Variants in RTTN observed in about 807,000 individuals in gnomAD.
RTTN encodes rotatin.
Under a neutral mutation model 269.2 loss-of-function variants are expected in RTTN, and 182 were observed. That is an observed-to-expected ratio of 0.68 (90% confidence interval 0.60 to 0.76). The LOEUF (loss-of-function observed/expected upper bound fraction) is 0.76. Ranked by LOEUF, RTTN falls within the 30% of genes least tolerant of loss-of-function variation. RTTN has a pLI of 0.00. For missense variants in RTTN, 2,545 were observed against 2,608.6 expected, an observed-to-expected ratio of 0.98 and a Z score of 0.53; for synonymous variants, 1,006 against 963.5, an observed-to-expected ratio of 1.04 and a Z score of -0.82.
intron 39 of RTTN, among the ~76,000 whole-genome samples, chr18:70,050,243 C>T (rs539846605): frequency 6.6e-6 from 1 of 152,000 alleles, no homozygotes; most frequent in Admixed American, 6.6e-5. Flanking sequence ...AACAAACAAC[C>T]GCATCAAAAA....
rs780242798 is a variant in RTTN, at chr18:70,015,471, C to CAAA, written c.6421+1935_6421+1936insTTT. ...ATCAGAGGCAGCCTTTCCTGGGAGA[C>CAAA]TTTTAAGCTGGCTGACTCTGCTAAG... On this transcript the variant is annotated intron_variant, in intron 46 of 48. Coordinates refer to ENST00000640769, the MANE Select transcript of RTTN (RefSeq NM_173630.4). 6.6e-5 allele frequency among the ~76,000 whole-genome samples: 10 copies of CAAA among 152,274 alleles called. 1 individual carries two copies. The highest frequency in any genetic ancestry group is 6.8e-3 in the Middle Eastern group (2 of 294).
intron 11 of RTTN, 137 bp downstream of exon 11, chr18:70,176,538 A>G (rs1181186476): frequency 1.6e-6 from 1 of 619,592 alleles, no homozygotes; most frequent in African/African-American, 1.9e-5. Flanking sequence ...CATTTCCCAT[A>G]TAACCTGTTA....
chr18:70,041,738 T>C (rs2057346017), intron 40 of RTTN, among the ~76,000 whole-genome samples: 2 of 152,268 alleles, frequency 1.3e-5, no homozygotes, highest in Admixed American at 6.5e-5. Context: ...GGAAAATTTG[T>C]GGGCAAGGGT....
intron 32 of RTTN, among the ~76,000 whole-genome samples, chr18:70,076,373 C>T (rs552653983): frequency 2.6e-5 from 4 of 151,856 alleles, no homozygotes; most frequent in African/African-American, 7.3e-5. Context: ...AGGAAAGATA[C>T]GTTCAAAACA....
chr18:70,123,040 A>C (rs1193045635), intron 25 of RTTN, among the ~76,000 whole-genome samples: 2 of 152,170 alleles, frequency 1.3e-5, no homozygotes, highest in African/African-American at 4.8e-5. Context: ...GGCATTTAAA[A>C]AAAAAATTAA....
At chr18:70,174,219 T>G (rs886620345) in intron 11 of RTTN, among the ~76,000 whole-genome samples, 2 of 151,792 alleles carry the variant, frequency 1.3e-5, no homozygotes, top group Non-Finnish European at 2.9e-5. Flanking sequence ...ATTTAAAAAT[T>G]TAAGTGTTCT....
At chr18:70,080,928 TCACACACA>T (rs138851066) in intron 32 of RTTN, among the ~76,000 whole-genome samples, 22,355 of 146,694 alleles carry the variant, frequency 0.15, 1,839 homozygotes, top group South Asian at 0.2. Flanking sequence ...GTGTGTGGTA[TCACACACA>T]CACACACACA....
At chr18:70,092,440 T>C (rs564840546) in intron 29 of RTTN, among the ~76,000 whole-genome samples, 3 of 152,224 alleles carry the variant, frequency 2.0e-5, no homozygotes, top group African/African-American at 7.2e-5. Flanking sequence ...TCCCATAATG[T>C]AGACAAAATG....
chr18:70,205,002 A>T, intron 2 of RTTN, 126 bp downstream of exon 2: 1 of 856,612 alleles, frequency 1.2e-6, no homozygotes. Context: ...AATTAAAATT[A>T]AACATCTCTG....
chr18:70,145,511 C>A (rs1432372029), intron 18 of RTTN, 101 bp downstream of exon 18: 20 of 817,750 alleles, frequency 2.4e-5, no homozygotes, highest in Non-Finnish European at 3.3e-5. Flanking sequence ...TACTTCTCTC[C>A]CTCCCCAGGA....
At chr18:70,030,744 T>G (rs969837813) in intron 41 of RTTN, 132 bp downstream of exon 41, 1 of 568,332 alleles carries the variant, frequency 1.8e-6, no homozygotes, top group African/African-American at 1.9e-5. Context: ...GGAAAAAAAA[T>G]TATTTTTAGT....
Position 70,005,612 on chromosome 18 carries a change from A to T in RTTN, c.6526-345T>A, listed in dbSNP as rs527588525. On this transcript the variant is annotated intron_variant, in intron 47 of 48. Coordinates refer to ENST00000640769, the MANE Select transcript of RTTN (RefSeq NM_173630.4). ...CCTCAAACCTCAGATTTCTGATCACATATACCAAATATTAGCAGTTGGTCA... is the reference window on the plus strand; with the variant it reads ...CCTCAAACCTCAGATTTCTGATCACTTATACCAAATATTAGCAGTTGGTCA... 6 of 186,206 alleles carry T rather than the reference A, an allele frequency of 3.2e-5. No homozygotes were observed. The South Asian group carries it at 1.1e-3, about 33-fold the overall frequency. 11.5% of individuals were successfully genotyped at this position (186,206 alleles called of 1,614,324 possible).
chr18:70,090,663 T>C (rs968892990), intron 30 of RTTN, among the ~76,000 whole-genome samples: 4 of 152,192 alleles, frequency 2.6e-5, no homozygotes, highest in Non-Finnish European at 4.4e-5. Flanking sequence ...AGGCTGCTAA[T>C]CCCACCACAG....
chr18:70,168,777 C>T (rs894116305), intron 12 of RTTN, 78 bp downstream of exon 12: 46 of 1,043,844 alleles, frequency 4.4e-5, no homozygotes, highest in Non-Finnish European at 5.9e-5. Context: ...ATTATATGTC[C>T]ATCAATTTGA....
chr18:70,059,827 C>T (rs776732338), intron 36 of RTTN, 23 bp downstream of exon 36: 3 of 1,517,238 alleles, frequency 2.0e-6, no homozygotes, highest in Non-Finnish European at 2.7e-6. Flanking sequence ...TAACATGCCT[C>T]TCTAGGAGTA....
At chr18:70,196,411 A>T in intron 7 of RTTN, 90 bp downstream of exon 7, 2 of 1,140,812 alleles carry the variant, frequency 1.8e-6, no homozygotes, top group Non-Finnish European at 2.5e-6. Flanking sequence ...AAATGCGTAC[A>T]CAATAAACCC....
intron 8 of RTTN, among the ~76,000 whole-genome samples, chr18:70,191,559 C>T (rs1038177055): frequency 1.3e-5 from 2 of 152,206 alleles, no homozygotes; most frequent in African/African-American, 4.8e-5. Context: ...AAAAACGGAA[C>T]ATCCCATTGT....
intron 28 of RTTN, among the ~76,000 whole-genome samples, chr18:70,103,087 C>T (rs535261767): frequency 1.1e-4 from 16 of 149,268 alleles, no homozygotes; most frequent in African/African-American, 3.0e-4. Context: ...CCGGCTGCCC[C>T]GTCTGGGATG....
In RTTN at chr18:70,059,871, T is replaced by G; in HGVS notation, c.4919A>C (p.His1640Pro). 2 of 1,609,512 alleles carry G rather than the reference T, an allele frequency of 1.2e-6. No homozygotes were observed. The highest frequency in any genetic ancestry group is 1.7e-6 in the Non-Finnish European group (2 of 1,177,572). The change falls in exon 36 of 49, where the codon CAT (histidine) becomes CCT (proline). Residue 1640 changes from histidine to proline, a missense_variant. Coordinates refer to ENST00000640769, the MANE Select transcript of RTTN (RefSeq NM_173630.4). Reference sequence around the variant, plus strand: ...TTACCTACAGAGAAGTTCTATGAGATGAGCTTGTCGAAAAGCCTTTGCAGT... The same window carrying G: ...TTACCTACAGAGAAGTTCTATGAGAGGAGCTTGTCGAAAAGCCTTTGCAGT... ...RDTAKAFRQAHLIELLCSIAD... is the reference protein window; with the variant it reads ...RDTAKAFRQAPLIELLCSIAD...
Sources: allele counts gnomAD v4.1 joint callset (sites outside exome capture counted in the v4.1 genomes callset), GRCh38; gene constraint gnomAD v4.1.1; transcripts MANE v1.5; gene names NCBI Gene and HGNC (gene_info 2026-07-23, HGNC 2026-07-21).